The following ANOS1 variants were observed in gnomAD, a reference collection of about 807,000 sequenced individuals.
ANOS1 encodes anosmin-1.
In ANOS1, 6 loss-of-function variants were observed where a neutral mutation model predicts 59.0. The observed-to-expected ratio is 0.10, with a 90% CI of 0.06 to 0.20. The LOEUF (loss-of-function observed/expected upper bound fraction) is 0.20. ANOS1 is among the 10% of genes least tolerant of loss of function. ANOS1 has a pLI of 1.00. For synonymous variants in ANOS1, 217 were observed against 223.4 expected, an observed-to-expected ratio of 0.97 and a Z score of 0.25; for missense variants, 433 against 542.3, an observed-to-expected ratio of 0.80 and a Z score of 2.00.
chrX:8,611,667 T>C (rs5933671), intron 3 of ANOS1, among the ~76,000 whole-genome samples: 41,330 of 108,956 alleles, frequency 0.38, 5,788 homozygotes, highest in South Asian at 0.43. Context: ...AATATGCATG[T>C]CGGAAGAAAA....
At chrX:8,669,157 G>A (rs905866650) in intron 2 of ANOS1, among the ~76,000 whole-genome samples, 2 of 111,427 alleles carry the variant, frequency 1.8e-5, no homozygotes, top group Non-Finnish European at 3.8e-5. Context: ...GTGGCTAAGC[G>A]GAAATAGCCA....
chrX:8,652,918 C>T (rs760901536), intron 2 of ANOS1, among the ~76,000 whole-genome samples: 9 of 111,069 alleles, frequency 8.1e-5, no homozygotes, highest in Admixed American at 5.8e-4. Flanking sequence ...AGCAGAGGCA[C>T]GATCTCTGCT....
At chrX:8,660,096 A>AACACAGGGG (rs756937495) in intron 2 of ANOS1, among the ~76,000 whole-genome samples, 2 of 110,613 alleles carry the variant, frequency 1.8e-5, no homozygotes, top group South Asian at 7.6e-4. Context: ...ACACCCACTG[A>AACACAGGGG]ACACAGGGGA....
intron 3 of ANOS1, among the ~76,000 whole-genome samples, chrX:8,619,070 C>CAAAA (rs1164164251): frequency 0.015 from 641 of 43,867 alleles, 3 homozygotes; most frequent in Non-Finnish European, 0.021. Context: ...AAACCTCTCT[C>CAAAA]AAAAAAAAAA....
At chrX:8,565,744 G>A (rs1382176168) in intron 8 of ANOS1, 4 of 112,097 alleles carry the variant, frequency 3.6e-5, no homozygotes, top group Non-Finnish European at 5.6e-5. Flanking sequence ...GGTGAATGTT[G>A]GTGCCATTTA....
intron 2 of ANOS1, among the ~76,000 whole-genome samples, chrX:8,689,501 A>G (rs1443624081): frequency 9.1e-6 from 1 of 109,764 alleles, no homozygotes; most frequent in African/African-American, 3.3e-5. Context: ...AGTTCAAACC[A>G]GCCTGGACAA....
chrX:8,596,588 T>C (rs1254428875), intron 4 of ANOS1, among the ~76,000 whole-genome samples: 1 of 112,158 alleles, frequency 8.9e-6, no homozygotes, highest in African/African-American at 3.2e-5. Context: ...TTAAGATCTG[T>C]ACAACGACAC....
intron 2 of ANOS1, among the ~76,000 whole-genome samples, chrX:8,663,011 T>C (rs1166411295): frequency 9.0e-6 from 1 of 110,571 alleles, no homozygotes; most frequent in Admixed American, 9.7e-5. Context: ...TGAAACTCTG[T>C]CTCAAAATAA....
intron 9 of ANOS1, among the ~76,000 whole-genome samples, chrX:8,547,691 G>T (rs58882255): frequency 0.046 from 5,143 of 111,745 alleles, 287 homozygotes; most frequent in African/African-American, 0.16. Flanking sequence ...AAAGTGAATG[G>T]AAATGCATTC....
At position 8,541,464 on chromosome X, in the gene ANOS1, G is replaced by T. The variant is rs186111002; in HGVS notation, c.1355-1706C>A. Among the ~76,000 whole-genome samples, 515 of 103,365 alleles carry T rather than the reference G, an allele frequency of 5.0e-3. 3 individuals are homozygous for T. Among genetic ancestry groups the T allele is most frequent in the African/African-American group, 0.017 (489 of 28,244 alleles). The allele number at this position is 103,365 out of a possible 115,157, so 89.8% of individuals were successfully genotyped here. A position where few individuals can be genotyped will look rare whatever the true frequency, so the allele number is the denominator to read the frequency against. ...AATAAAACAAAAAAAAAACCAGAAGGTAAGGGCAGTAGGGTGGATTGACAA... is the reference window on the plus strand; with the variant it reads ...AATAAAACAAAAAAAAAACCAGAAGTTAAGGGCAGTAGGGTGGATTGACAA... On this transcript the variant is annotated intron_variant, in intron 9 of 13. Coordinates refer to ENST00000262648, the MANE Select transcript of ANOS1 (RefSeq NM_000216.4).
At chrX:8,561,466 ATTTT>A (rs34119310) in intron 8 of ANOS1, among the ~76,000 whole-genome samples, 2 of 67,059 alleles carry the variant, frequency 3.0e-5, no homozygotes, top group Non-Finnish European at 2.8e-5. Context: ...TGCCCGGCTA[ATTTT>A]TTTTTTTTTT....
chrX:8,710,534 T>A (rs973235850), intron 1 of ANOS1, among the ~76,000 whole-genome samples: 6 of 111,927 alleles, frequency 5.4e-5, no homozygotes, highest in African/African-American at 2.0e-4. Flanking sequence ...TCATTACAAC[T>A]CAGAGAAGAT....
At chrX:8,671,968 C>T (rs368436520) in intron 2 of ANOS1, among the ~76,000 whole-genome samples, 4 of 110,705 alleles carry the variant, frequency 3.6e-5, no homozygotes, top group South Asian at 7.6e-4. Flanking sequence ...GAATACAATA[C>T]ATTATTAACT....
At chrX:8,603,738 A>C (rs1466384291) in intron 3 of ANOS1, among the ~76,000 whole-genome samples, 4 of 112,484 alleles carry the variant, frequency 3.6e-5, no homozygotes, top group Non-Finnish European at 7.5e-5. Flanking sequence ...TATTTGGTTC[A>C]ATTCAACAGA....
intron 1 of ANOS1, among the ~76,000 whole-genome samples, chrX:8,725,627 T>TATATATATACAG (rs1316873276): frequency 3.8e-5 from 2 of 52,921 alleles, no homozygotes; most frequent in South Asian, 1.2e-3. Flanking sequence ...TATATACAGA[T>TATATATATACAG]ATATATATAC....
intron 6 of ANOS1, among the ~76,000 whole-genome samples, chrX:8,584,239 T>G (rs1267296740): frequency 8.9e-6 from 1 of 111,829 alleles, no homozygotes; most frequent in Non-Finnish European, 1.9e-5. Context: ...TTTTTATTGA[T>G]AACTACCTCC....
At chrX:8,539,825 C>T in intron 9 of ANOS1, 67 bp from the exon 10 acceptor site, 4 of 1,191,978 alleles carry the variant, frequency 3.4e-6, no homozygotes, top group Non-Finnish European at 4.5e-6. Flanking sequence ...GCCTGGGGTT[C>T]TTGAACTTGA....
At chrX:8,626,573 C>A (rs1042544066) in intron 2 of ANOS1, among the ~76,000 whole-genome samples, 1 of 111,136 alleles carries the variant, frequency 9.0e-6, no homozygotes, top group Non-Finnish European at 1.9e-5. Context: ...AAAAACTTAT[C>A]TAAAGGCCGG....
chrX:8,613,177 AT>A (rs1931094172), intron 3 of ANOS1, among the ~76,000 whole-genome samples: 1 of 108,395 alleles, frequency 9.2e-6, no homozygotes, highest in African/African-American at 3.4e-5. Flanking sequence ...ATAAAGAACC[AT>A]TTTCATCTGC....
Sources: gnomAD v4.1 joint callset for allele counts (sites outside exome capture counted in the v4.1 genomes callset) on GRCh38, gnomAD v4.1.1 for gene constraint, MANE v1.5 for transcripts, NCBI Gene and HGNC (gene_info 2026-07-23, HGNC 2026-07-21) for gene names.